FREM3: variants seen among roughly 807,000 people sequenced by gnomAD.
FREM3 encodes the protein FRAS1-related extracellular matrix protein 3.
FREM3 carries 105 observed loss-of-function variants against 129.1 expected under a neutral mutation model. That is an observed-to-expected ratio of 0.81 (90% confidence interval 0.69 to 0.96). The LOEUF (loss-of-function observed/expected upper bound fraction) is 0.96. Among genes scored for constraint, FREM3 ranks in the 40% least tolerant of loss-of-function variants. FREM3 has a pLI of 0.00. For synonymous variants in FREM3, 1,014 were observed against 1,044.9 expected (o/e 0.97, Z 0.57); for missense variants, 2,593 against 2,666.3 (o/e 0.97, Z 0.61).
rs1740640948 is a variant in FREM3 at position 143,699,158 on chromosome 4, C to T, written c.1518G>A (p.Gln506=). The change falls in exon 1 of 8, where the codon CAG becomes CAA. Residue 506 remains glutamine (Q), a synonymous_variant. Transcript: ENST00000329798. The surrounding 1 kb of genome is among the most constrained non-coding windows in gnomAD (Gnocchi z 4.2). ...ADLAAGRVVY[Q]HDGSNTYSDN... ...CACTGTAGGTGTTGCTGCCATCATG[C>T]TGATACACCACTCGCCCTGCTGCCA... The T allele has an allele frequency of 1.3e-6, 2 of 1,537,446 alleles. No homozygotes were observed.
intron 6 of FREM3, among the ~76,000 whole-genome samples, chr4:143,593,399 A>C (rs1738402877): frequency 6.6e-6 from 1 of 152,170 alleles, no homozygotes; most frequent in African/African-American, 2.4e-5. Flanking sequence ...ATGGTGACGT[A>C]CAGATGGGTT....
In FREM3 at chr4:143,591,400, C is replaced by T. The variant is rs1481680243; in HGVS notation, c.6029-5407G>A. 2.6e-5 allele frequency among the ~76,000 whole-genome samples: 4 copies of T among 152,362 alleles called. No homozygotes were observed. In the East Asian group the frequency reaches 7.7e-4, roughly 29 times the overall value. On this transcript the variant is annotated intron_variant, in intron 6 of 7. Coordinates refer to ENST00000329798, the MANE Select transcript of FREM3 (RefSeq NM_001168235.2). ...TTAGTGCTATAAATTTCCCTCTACACACTGCTTTGAATGTGTCCCAGAGAT... is the reference window on the plus strand; with the variant it reads ...TTAGTGCTATAAATTTCCCTCTACATACTGCTTTGAATGTGTCCCAGAGAT...
intron 2 of FREM3, among the ~76,000 whole-genome samples, chr4:143,649,545 G>A (rs1466136218): frequency 2.6e-5 from 4 of 152,080 alleles, no homozygotes; most frequent in Non-Finnish European, 4.4e-5. Flanking sequence ...TTCTCTTCAG[G>A]CATTAGTAAT....
rs1176087025 is a variant in FREM3, at chr4:143,693,119, C to T, written c.5269G>A (p.Asp1757Asn). The T allele has an allele frequency of 6.7e-7, 1 of 1,487,128 alleles. No homozygotes were observed. Among genetic ancestry groups the T allele is most frequent in the Admixed American group, 2.1e-5 (1 of 48,352 alleles). The allele number at this position is 1,487,128 out of a possible 1,614,324, so 92.1% of individuals were successfully genotyped here. The change falls in exon 2 of 8, where the codon GAC becomes AAC. Residue 1757 changes from aspartate (D) to asparagine (N), a missense_variant. By Grantham distance (23) the Asp-to-Asn change is conservative (BLOSUM62 1). Around this residue, in one of 2 missense-constraint regions of FREM3, gnomAD observed 2,276 missense variants for 2,267.2 expected, o/e 1.00. Transcript: ENST00000329798. ...SKDIFYFSVE[D>N]NGGNKLTNQP... ...AGGGTTTATTATGACTTACCATTGT[C>T]TTCAACAGAGAAATAGAAGATGTCC... is the stretch of plus-strand genomic sequence containing the variant.
At chr4:143,643,232 G>A (rs909872358) in intron 2 of FREM3, among the ~76,000 whole-genome samples, 1 of 152,008 alleles carries the variant, frequency 6.6e-6, no homozygotes, top group Non-Finnish European at 1.5e-5. Flanking sequence ...ATTAAAAATA[G>A]AACTACCAAA....
intron 2 of FREM3, among the ~76,000 whole-genome samples, chr4:143,674,183 T>A (rs1205489862): frequency 6.6e-6 from 1 of 151,664 alleles, no homozygotes; most frequent in Non-Finnish European, 1.5e-5. Flanking sequence ...TCTGCAGAAA[T>A]CACCCATCTT....
In FREM3 at chr4:143,694,369, G is replaced by A. The variant is rs145320787; in HGVS notation, c.5185+1122C>T. Among the ~76,000 whole-genome samples the A allele has an allele frequency of 9.7e-3, 1,476 of 152,158 alleles. 29 individuals carry two copies. The highest frequency in any genetic ancestry group is 0.033 in the African/African-American group (1,387 of 41,516). ...TACTTGTCAAAATGAATTTAAACAA[G>A]AATAATTACTGCATCCTAAGAAAAA... On this transcript the variant is annotated intron_variant, in intron 1 of 7. Transcript: ENST00000329798.
intron 2 of FREM3, among the ~76,000 whole-genome samples, chr4:143,690,507 G>A (rs1740445890): frequency 1.3e-5 from 2 of 152,052 alleles, no homozygotes; most frequent in South Asian, 4.1e-4. Context: ...ACTGGTATGG[G>A]AAACAACAAC....
intron 2 of FREM3, among the ~76,000 whole-genome samples, chr4:143,680,859 T>A (rs1560870468): frequency 6.6e-6 from 1 of 152,154 alleles, no homozygotes; most frequent in Non-Finnish European, 1.5e-5. Context: ...TCTATCACTG[T>A]CACTGTCCTG....
chr4:143,620,926 C>A, intron 5 of FREM3, 111 bp downstream of exon 5: 1 of 1,057,962 alleles, frequency 9.5e-7, no homozygotes, highest in Non-Finnish European at 1.3e-6. Context: ...GGGGCCCAGG[C>A]ATCCAGCATC....
intron 3 of FREM3, among the ~76,000 whole-genome samples, chr4:143,625,738 G>C (rs1053257120): frequency 6.6e-6 from 1 of 152,208 alleles, no homozygotes; most frequent in Non-Finnish European, 1.5e-5. Context: ...ATGTCACACA[G>C]AATTAGGCAC....
chr4:143,621,058 CG>C lies in FREM3; in HGVS notation c.5757del (p.Ile1919MetfsTer49). The C allele has an allele frequency of 6.5e-7, 1 of 1,537,284 alleles. No homozygotes were observed. Among genetic ancestry groups the C allele is most frequent in the Non-Finnish European group, 8.7e-7 (1 of 1,146,886 alleles). ...ATACCTTGACGTGTGGAGCAAATGA[CG>C]ATTAGTTCCTGGCTTGCATCTCCAG... ...RRSGDASQEL[I>X]VICSTRQGSA... On this transcript the variant is annotated frameshift_variant, in exon 5 of 8. Transcript: ENST00000329798. LOFTEE classifies it high-confidence loss of function.
Position 143,695,848 on chromosome 4 carries a change from G to T in FREM3, c.4828C>A (p.His1610Asn), listed in dbSNP as rs1297465818. ...TCTTCAGTGGTCTCACTGCCGTCAT[G>T]CTTGTAGCTAATCAGGTTCTTGTTC... ...DLNKNLISYKHDGSETTEDSF... is the reference protein window; with the variant it reads ...DLNKNLISYKNDGSETTEDSF... The change falls in exon 1 of 8, where the codon CAT becomes AAT. Residue 1610 changes from histidine to asparagine, a missense_variant. Physicochemically the swap from His to Asn is moderately conservative, Grantham distance 68. Around this residue, in one of 2 missense-constraint regions of FREM3, gnomAD observed 2,276 missense variants for 2,267.2 expected, o/e 1.00. Transcript: ENST00000329798. 8 of 1,537,308 alleles carry T rather than the reference G, an allele frequency of 5.2e-6. No individual in the cohort carries two copies. In the South Asian group the frequency reaches 8.3e-5, roughly 16 times the overall value.
At chr4:143,620,846 A>T (rs558824343) in intron 5 of FREM3, among the ~76,000 whole-genome samples, 191 bp downstream of exon 5, 18 of 152,250 alleles carry the variant, frequency 1.2e-4, no homozygotes, top group African/African-American at 4.1e-4. Flanking sequence ...GGTTGAGGAG[A>T]CCAGCTCAGA....
chr4:143,662,083 A>G (rs932688775), intron 2 of FREM3, among the ~76,000 whole-genome samples: 7 of 151,252 alleles, frequency 4.6e-5, no homozygotes, highest in Admixed American at 1.3e-4. Context: ...TTGTGTCTCT[A>G]TTTCCTTCAG....
chr4:143,653,229 G>A (rs10019355), intron 2 of FREM3, among the ~76,000 whole-genome samples: 75,811 of 152,004 alleles, frequency 0.5, 19,702 homozygotes, highest in East Asian at 0.71. Flanking sequence ...CCCCTGCTGG[G>A]GGTCTCAAAA....
At chr4:143,690,349 G>A (rs1270417634) in intron 2 of FREM3, among the ~76,000 whole-genome samples, 1 of 152,066 alleles carries the variant, frequency 6.6e-6, no homozygotes, top group Non-Finnish European at 1.5e-5. Context: ...AAACCTTCAT[G>A]GTATCACTCT....
chr4:143,609,445 A>C (rs1738718543), intron 6 of FREM3, among the ~76,000 whole-genome samples: 1 of 152,080 alleles, frequency 6.6e-6, no homozygotes, highest in Non-Finnish European at 1.5e-5. Flanking sequence ...TTATAAAAAG[A>C]AGGATATACT....
intron 2 of FREM3, among the ~76,000 whole-genome samples, chr4:143,679,451 T>C (rs1740211429): frequency 6.6e-6 from 1 of 152,200 alleles, no homozygotes; most frequent in African/African-American, 2.4e-5. Flanking sequence ...GGATAACTTA[T>C]AAGATGATCA....
Sources: gnomAD v4.1 joint callset for allele counts (sites outside exome capture counted in the v4.1 genomes callset) on GRCh38, gnomAD v4.1.1 for gene constraint, gnomAD v4.1.1 regional missense constraint, Gnocchi (gnomAD v3.1) non-coding constraint, MANE v1.5 for transcripts, NCBI Gene and HGNC (gene_info 2026-07-23, HGNC 2026-07-21) for gene names.